The following MIR2052HG variants were observed in gnomAD, a reference collection of about 807,000 sequenced individuals.
The protein encoded by MIR2052HG is MIR2052 host gene.
intron 2 of MIR2052HG, among the ~76,000 whole-genome samples, chr8:74,653,519 AC>A (rs2128736314): frequency 6.6e-6 from 1 of 152,308 alleles, no homozygotes; most frequent in South Asian, 2.1e-4. Flanking sequence ...AGATTAAATG[AC>A]ATGCCCTGCA....
chr8:74,627,328 CACTT>C (rs202178450), intron 2 of MIR2052HG, among the ~76,000 whole-genome samples: 2,892 of 152,294 alleles, frequency 0.019, 39 homozygotes, highest in Non-Finnish European at 0.025. Flanking sequence ...TGAGAACTGA[CACTT>C]AGTAAGCACA....
At chr8:74,672,227 C>T (rs1044346630) in intron 2 of MIR2052HG, among the ~76,000 whole-genome samples, 3 of 152,074 alleles carry the variant, frequency 2.0e-5, no homozygotes, top group African/African-American at 4.8e-5. Context: ...TGTTACCTAA[C>T]TTGAGAGTGT....
intron 4 of MIR2052HG, among the ~76,000 whole-genome samples, chr8:74,709,481 T>G (rs1274852928): frequency 6.6e-6 from 1 of 152,054 alleles, no homozygotes; most frequent in Non-Finnish European, 1.5e-5. Context: ...TACATGGGCA[T>G]AAGTTTTTGA....
At chr8:74,623,559 G>A (rs541594428) in intron 2 of MIR2052HG, among the ~76,000 whole-genome samples, 7 of 152,264 alleles carry the variant, frequency 4.6e-5, no homozygotes, top group Admixed American at 3.3e-4. Context: ...TAAATACAAT[G>A]TCATTATTAA....
chr8:74,755,415 T>C (rs927296113), intron 5 of MIR2052HG, among the ~76,000 whole-genome samples: 2 of 152,352 alleles, frequency 1.3e-5, no homozygotes, highest in Non-Finnish European at 2.9e-5. Flanking sequence ...TATTTGTTGC[T>C]GACCATATTA....
chr8:74,654,433 A>G lies in MIR2052HG; in HGVS notation n.216+41493A>G, dbSNP rs181075111. On this transcript the variant is annotated intron_variant and non_coding_transcript_variant, in intron 2 of 6. Coordinates refer to ENST00000523442, the Ensembl canonical transcript of MIR2052HG. ...CCCCACCCAAATCTCACCTTGAATT[A>G]TATCTCCCGGAACTCCCCCGTGTTG... is the stretch of plus-strand genomic sequence containing the variant. Among the ~76,000 whole-genome samples the G allele has an allele frequency of 7.2e-4, 109 of 152,242 alleles. 1 individual carries two copies. The East Asian group carries it at 0.02, about 28-fold the overall frequency.
intron 2 of MIR2052HG, among the ~76,000 whole-genome samples, chr8:74,654,853 G>A (rs1808788460): frequency 1.3e-5 from 2 of 152,160 alleles, no homozygotes; most frequent in African/African-American, 4.8e-5. Context: ...CTCAGAAGAA[G>A]ACAGGAAAAT....
intron 2 of MIR2052HG, among the ~76,000 whole-genome samples, chr8:74,661,689 C>T (rs1183138058): frequency 6.6e-6 from 1 of 152,096 alleles, no homozygotes; most frequent in Non-Finnish European, 1.5e-5. Context: ...GAATTTAAAG[C>T]TCAATCACCC....
intron 4 of MIR2052HG, among the ~76,000 whole-genome samples, chr8:74,719,680 G>A (rs916523811): frequency 6.6e-6 from 1 of 152,036 alleles, no homozygotes; most frequent in Non-Finnish European, 1.5e-5. Flanking sequence ...AAAAAAAATA[G>A]ACTTGTGTGT....
intron 4 of MIR2052HG, among the ~76,000 whole-genome samples, chr8:74,737,122 G>A (rs2651666): frequency 0.16 from 24,226 of 152,160 alleles, 2,607 homozygotes; most frequent in Middle Eastern, 0.29. Context: ...ATCTTCATTT[G>A]CATAGAAGTA....
chr8:74,728,907 C>G (rs534131686), intron 4 of MIR2052HG, among the ~76,000 whole-genome samples: 6 of 152,164 alleles, frequency 3.9e-5, no homozygotes, highest in African/African-American at 1.4e-4. Context: ...CATACTCATT[C>G]TTACTATATA....
At chr8:74,664,549 C>T (rs550337846) in intron 2 of MIR2052HG, among the ~76,000 whole-genome samples, 20 of 151,988 alleles carry the variant, frequency 1.3e-4, no homozygotes, top group African/African-American at 4.1e-4. Context: ...CAGAATTTTG[C>T]TCTTGTTGCC....
chr8:74,617,530 G>A (rs1417822683), intron 2 of MIR2052HG, among the ~76,000 whole-genome samples: 4 of 150,824 alleles, frequency 2.7e-5, no homozygotes, highest in African/African-American at 9.8e-5. Context: ...ATAAAAATGT[G>A]GTGTATATAC....
intron 1 of MIR2052HG, chr8:74,603,731 T>C: frequency 1.1e-6 from 1 of 878,346 alleles, no homozygotes; most frequent in Non-Finnish European, 2.0e-6. Flanking sequence ...GTCACGCCCT[T>C]CGGGGGGGAC....
chr8:74,656,441 A>G (rs184161709), intron 2 of MIR2052HG, among the ~76,000 whole-genome samples: 1 of 152,202 alleles, frequency 6.6e-6, no homozygotes, highest in East Asian at 1.9e-4. Flanking sequence ...TCTTTCCTGT[A>G]CTATTCTTGT....
At chr8:74,661,923 C>T (rs1808869621) in intron 2 of MIR2052HG, among the ~76,000 whole-genome samples, 1 of 152,152 alleles carries the variant, frequency 6.6e-6, no homozygotes, top group South Asian at 2.1e-4. Context: ...AACGATATAT[C>T]TAGACTTGAG....
intron 2 of MIR2052HG, among the ~76,000 whole-genome samples, chr8:74,613,653 T>G (rs183232947): frequency 6.6e-6 from 1 of 152,198 alleles, no homozygotes. Context: ...GCCCGGCTAA[T>G]TTTTGTATTT....
At chr8:74,727,420 A>G (rs868758663) in intron 4 of MIR2052HG, among the ~76,000 whole-genome samples, 7 of 152,332 alleles carry the variant, frequency 4.6e-5, no homozygotes, top group South Asian at 2.1e-4. Flanking sequence ...AGTAAAATAT[A>G]AAGAAATTAT....
At chr8:74,753,641 T>G (rs531539975) in intron 5 of MIR2052HG, among the ~76,000 whole-genome samples, 1 of 152,278 alleles carries the variant, frequency 6.6e-6, no homozygotes, top group South Asian at 2.1e-4. Flanking sequence ...TGCATTCTTC[T>G]TACCCCCAGG....
Sources: allele counts gnomAD v4.1 joint callset (sites outside exome capture counted in the v4.1 genomes callset), GRCh38; gene constraint gnomAD v4.1.1; transcripts MANE v1.5; gene names NCBI Gene and HGNC (gene_info 2026-07-23, HGNC 2026-07-21).